Variants in KIF13B observed in about 807,000 individuals in gnomAD.
KIF13B encodes the protein kinesin family member 13B.
In KIF13B, 127 loss-of-function variants were observed where a neutral mutation model predicts 222.0. The observed-to-expected ratio is 0.57, with a 90% CI of 0.50 to 0.66. KIF13B has a LOEUF of 0.66. Ranked by LOEUF, KIF13B falls within the 30% of genes least tolerant of loss-of-function variation. The pLI, the probability that KIF13B is intolerant of heterozygous loss-of-function variation, is 0.00. For synonymous variants in KIF13B, 976 were observed against 919.0 expected (o/e 1.06, Z -1.12); for missense variants, 2,173 against 2,379.0 (o/e 0.91, Z 1.80).
chr8:29,105,339 C>G (rs1405698270), intron 35 of KIF13B, among the ~76,000 whole-genome samples: 1 of 152,174 alleles, frequency 6.6e-6, no homozygotes, highest in Non-Finnish European at 1.5e-5. Flanking sequence ...CATCCCCAAG[C>G]CTTCGTTCAC....
intron 38 of KIF13B, among the ~76,000 whole-genome samples, chr8:29,073,326 A>C (rs1807402791): frequency 6.6e-6 from 1 of 152,190 alleles, no homozygotes; most frequent in Non-Finnish European, 1.5e-5. Flanking sequence ...AAGTGAGGCC[A>C]GCAGCTCTCC....
chr8:29,127,227 C>T lies in KIF13B; in HGVS notation c.3117G>A (p.Gln1039=). 1 of 1,613,922 alleles carries T rather than the reference C, an allele frequency of 6.2e-7. No individual in the cohort carries two copies. Among genetic ancestry groups the T allele is most frequent in the Non-Finnish European group, 8.5e-7 (1 of 1,179,822 alleles). ...RRVQVEVKSV[Q]ESGTLPLMEE... ...CCATCAGTGGTAAAGTCCCAGATTC[C>T]TGCACTGACTTCACTTCGACTTGAA... The change falls in exon 25 of 40, where the codon CAG becomes CAA. Residue 1039 remains glutamine, a synonymous_variant. Transcript: ENST00000524189.
At chr8:29,218,826 C>T (rs540259856) in intron 2 of KIF13B, 7 of 152,358 alleles carry the variant, frequency 4.6e-5, no homozygotes, top group African/African-American at 1.4e-4. Flanking sequence ...GCCCTGCACT[C>T]AAGAGACAGC....
chr8:29,259,281 T>C (rs1012224392), intron 1 of KIF13B, among the ~76,000 whole-genome samples: 8 of 152,208 alleles, frequency 5.3e-5, no homozygotes, highest in African/African-American at 1.9e-4. Context: ...ACATCAAGTA[T>C]TGGAAAATGC....
intron 30 of KIF13B, among the ~76,000 whole-genome samples, 167 bp from the exon 31 acceptor site, chr8:29,117,174 C>T (rs1418889723): frequency 6.6e-6 from 1 of 152,222 alleles, no homozygotes; most frequent in African/African-American, 2.4e-5. Context: ...AGTGTGGCCA[C>T]AATCACCTTA....
intron 35 of KIF13B, among the ~76,000 whole-genome samples, chr8:29,102,614 G>A (rs563629893): frequency 6.6e-6 from 1 of 152,316 alleles, no homozygotes; most frequent in South Asian, 2.1e-4. Context: ...GGATTCTTTG[G>A]GTTTTCTGGG....
Position 29,142,151 on chromosome 8 carries a change from A to G in KIF13B, c.2334+6T>C. The stretch of plus-strand genomic sequence containing the variant: ...CAATTAAGTGATTTTCTCTTAAATA[A>G]CTTACTGGGTTATCTTCTTCACACT... On this transcript the variant is annotated splice_donor_region_variant and intron_variant, in intron 19 of 39. Coordinates refer to ENST00000524189, the MANE Select transcript of KIF13B (RefSeq NM_015254.4). 1 of 1,610,418 alleles carries G rather than the reference A, an allele frequency of 6.2e-7. No homozygotes were observed. Among genetic ancestry groups the G allele is most frequent in the East Asian group, 2.2e-5 (1 of 44,840 alleles).
At chr8:29,130,000 T>C (rs1187509423) in intron 24 of KIF13B, among the ~76,000 whole-genome samples, 1 of 152,256 alleles carries the variant, frequency 6.6e-6, no homozygotes, top group Non-Finnish European at 1.5e-5. Flanking sequence ...TTTTACAATC[T>C]GAATGCTTAT....
chr8:29,240,200 GT>G (rs1169592548), intron 2 of KIF13B, among the ~76,000 whole-genome samples: 3 of 151,300 alleles, frequency 2.0e-5, no homozygotes, highest in African/African-American at 7.3e-5. Context: ...ACTTTTTCGA[GT>G]CACCCTTCTG....
At chr8:29,109,835 A>C in intron 33 of KIF13B, 83 bp downstream of exon 33, 1 of 1,347,594 alleles carries the variant, frequency 7.4e-7, no homozygotes, top group Non-Finnish European at 1.0e-6. Flanking sequence ...TAGGTGCAAC[A>C]ACACTGTGAA....
At chr8:29,242,866 A>T (rs533408241) in intron 2 of KIF13B, among the ~76,000 whole-genome samples, 1 of 152,374 alleles carries the variant, frequency 6.6e-6, no homozygotes, top group South Asian at 2.1e-4. Flanking sequence ...CACTGTAAAC[A>T]TAAAATCAGA....
In KIF13B at chr8:29,070,866, C is replaced by G. The variant is rs1807237759; in HGVS notation, c.5219-100G>C. The G allele has an allele frequency of 3.9e-6, 5 of 1,291,960 alleles. No individual in the cohort carries two copies. Among genetic ancestry groups the G allele is most frequent in the Non-Finnish European group, 5.4e-6 (5 of 926,928 alleles). The allele number at this position is 1,291,960 out of a possible 1,614,324, so 80.0% of individuals were successfully genotyped here. A position where few individuals can be genotyped will look rare whatever the true frequency, so the allele number is the denominator to read the frequency against. ...AGAGGCCATGTGCCCACACTGCCAC[C>G]CCCCCGCACAGGCCCTACACAGCCA... On this transcript the variant is annotated intron_variant, in intron 39 of 39. Coordinates refer to ENST00000524189, the MANE Select transcript of KIF13B (RefSeq NM_015254.4). The surrounding 1 kb of genome is among the most constrained non-coding windows in gnomAD (Gnocchi z 4.1).
chr8:29,160,207 C>T (rs1811712647), intron 13 of KIF13B, among the ~76,000 whole-genome samples: 1 of 152,198 alleles, frequency 6.6e-6, no homozygotes, highest in African/African-American at 2.4e-5. Flanking sequence ...CTGTTCTGTG[C>T]TCTGACTCAC....
intron 35 of KIF13B, among the ~76,000 whole-genome samples, chr8:29,105,733 A>T (rs1265657840): frequency 8.1e-6 from 1 of 123,388 alleles, no homozygotes; most frequent in Non-Finnish European, 1.6e-5. Flanking sequence ...ATCTTGGCTC[A>T]CTGCAACTTC....
At chr8:29,091,444 A>C (rs889764369) in intron 37 of KIF13B, among the ~76,000 whole-genome samples, 2 of 152,206 alleles carry the variant, frequency 1.3e-5, no homozygotes, top group African/African-American at 4.8e-5. Context: ...GCAACTGAAA[A>C]CACTGGATAG....
intron 1 of KIF13B, among the ~76,000 whole-genome samples, chr8:29,246,044 C>T (rs998280833): frequency 1.3e-5 from 2 of 152,142 alleles, no homozygotes; most frequent in African/African-American, 2.4e-5. Context: ...GGGGATATCC[C>T]AATTACTCTG....
rs552294532 is a variant in KIF13B, at chr8:29,079,009, C to A, written c.4459-3666G>T. On this transcript the variant is annotated intron_variant, in intron 37 of 39. Coordinates refer to ENST00000524189, the MANE Select transcript of KIF13B (RefSeq NM_015254.4). Reference sequence around the variant, plus strand: ...TACATGAACACATGGGAGATGAGGTCAGAATTTTAAAACTTGGAATAAAAG... The same window carrying A: ...TACATGAACACATGGGAGATGAGGTAAGAATTTTAAAACTTGGAATAAAAG... 2.0e-5 allele frequency among the ~76,000 whole-genome samples: 3 copies of A among 152,272 alleles called. No homozygotes were observed. In the East Asian group the frequency reaches 5.8e-4, roughly 29 times the overall value.
At chr8:29,117,557 C>T (rs1261884651) in intron 30 of KIF13B, among the ~76,000 whole-genome samples, 2 of 152,114 alleles carry the variant, frequency 1.3e-5, no homozygotes, top group Admixed American at 1.3e-4. Context: ...GCTCCTTGGC[C>T]CTTCCTTGTC....
At chr8:29,131,150 C>T (rs938694892) in intron 23 of KIF13B, among the ~76,000 whole-genome samples, 15 of 152,060 alleles carry the variant, frequency 9.9e-5, no homozygotes, top group African/African-American at 3.4e-4. Flanking sequence ...ATAGCAACAA[C>T]AGACACTGGA....
Sources: gnomAD v4.1 joint callset for allele counts (sites outside exome capture counted in the v4.1 genomes callset) on GRCh38, gnomAD v4.1.1 for gene constraint, Gnocchi (gnomAD v3.1) non-coding constraint, MANE v1.5 for transcripts, NCBI Gene and HGNC (gene_info 2026-07-23, HGNC 2026-07-21) for gene names.